Variants in CSAG3 observed in about 807,000 individuals in gnomAD.
CSAG3 encodes chondrosarcoma-associated gene 2/3 protein.
For missense variants in CSAG3, 15 were observed against 93.0 expected (o/e 0.16, Z 3.45); for synonymous variants, 4 against 34.0 (o/e 0.12, Z 3.07).
Position 152,760,020 on chromosome X carries a change from CA to C in CSAG3, c.*110del. ...ATCAAAATGAGCCATAGCGGGACCACAAGGGCAAGGAGACCACCACCTTCTC... is the reference window on the plus strand; with the variant it reads ...ATCAAAATGAGCCATAGCGGGACCACAGGGCAAGGAGACCACCACCTTCTC... On this transcript the variant is annotated 3_prime_UTR_variant, in exon 2 of 2. Transcript: ENST00000599845. 3.8e-6 allele frequency: 3 copies of C among 790,684 alleles called. No homozygotes were observed. The South Asian group carries it at 6.7e-5, about 18-fold the overall frequency. 65.2% of individuals were successfully genotyped at this position (790,684 alleles called of 1,213,427 possible). A position where few individuals can be genotyped will look rare whatever the true frequency, so the allele number is the denominator to read the frequency against.
At chrX:152,758,843 CT>C (rs1932606837), upstream of CSAG3, 2 of 84,096 alleles carry the variant, frequency 2.4e-5, no homozygotes, top group Non-Finnish European at 4.5e-5. Context: ...CTCTCTCTCT[CT>C]CTCTCTCTCT....
At chrX:152,758,826 TCTTTCTCTC>T (rs1932602441), upstream of CSAG3, 3 of 78,668 alleles carry the variant, frequency 3.8e-5, no homozygotes, top group Admixed American at 1.4e-4. Context: ...TCTCTCTCTC[TCTTTCTCTC>T]TCTCTCTCTC....
upstream of CSAG3, chrX:152,758,953 C>T (rs1932613385): frequency 2.6e-5 from 3 of 115,753 alleles, no homozygotes; most frequent in Admixed American, 1.1e-4. Context: ...ATCTACAAGC[C>T]ACGAATAAGG....
upstream of CSAG3, among the ~76,000 whole-genome samples, chrX:152,757,604 G>GTT (rs1308718478): frequency 1.3e-4 from 5 of 39,375 alleles, no homozygotes; most frequent in African/African-American, 3.5e-4. Flanking sequence ...TCAATGTCTG[G>GTT]TTATATATAT....
At chrX:152,758,829 T>TCTCTCTTTCTC (rs1932603172), upstream of CSAG3, 8 of 50,624 alleles carry the variant, frequency 1.6e-4, no homozygotes, top group African/African-American at 5.8e-4. Flanking sequence ...CTCTCTCTCT[T>TCTCTCTTTCTC]TCTCTCTCTC....
At chrX:152,757,604 G>GTTATATATATATATATATATGT (rs1932585434), upstream of CSAG3, among the ~76,000 whole-genome samples, 2 of 39,417 alleles carry the variant, frequency 5.1e-5, no homozygotes, top group Non-Finnish European at 8.2e-5. Flanking sequence ...TCAATGTCTG[G>GTTATATATATATATATATATGT]TTATATATAT....
chrX:152,759,058 T>C (rs1347979965), upstream of CSAG3: 5 of 212,962 alleles, frequency 2.3e-5, no homozygotes, highest in African/African-American at 1.5e-4. Context: ...TTTTAGCTAC[T>C]CACTCAATGG....
upstream of CSAG3, chrX:152,758,853 C>CTT (rs1932608388): frequency 1.1e-5 from 1 of 91,423 alleles, no homozygotes; most frequent in African/African-American, 4.3e-5. Context: ...CTCTCTCTCT[C>CTT]TCTCTCTCTC....
At chrX:152,758,849 C>CTCTT (rs1932607980), upstream of CSAG3, 3 of 91,982 alleles carry the variant, frequency 3.3e-5, no homozygotes, top group Non-Finnish European at 6.4e-5. Flanking sequence ...CTCTCTCTCT[C>CTCTT]TCTCTCTCTC....
At chrX:152,759,510 G>C (rs1932630915) in exon 1 of CSAG3, 1 of 1,204,849 alleles carries the variant, frequency 8.3e-7, no homozygotes, top group African/African-American at 1.7e-5. Flanking sequence ...ACTGTCCTGG[G>C]GGAGGCTTGG....
upstream of CSAG3, chrX:152,758,875 CTT>C (rs1491264726): frequency 1.8e-3 from 135 of 76,592 alleles, 5 homozygotes; most frequent in African/African-American, 2.6e-3. Flanking sequence ...CTCTCTCTCT[CTT>C]TCTTTCTCTC....
At chrX:152,758,805 TTC>T (rs1254146710), upstream of CSAG3, 29 of 56,177 alleles carry the variant, frequency 5.2e-4, no homozygotes, top group Admixed American at 3.2e-3. Context: ...TACATGACCT[TTC>T]TCTCTCTCTC....
upstream of CSAG3, chrX:152,759,116 A>G (rs1183714678): frequency 6.4e-4 from 169 of 263,296 alleles, no homozygotes; most frequent in East Asian, 0.016. Flanking sequence ...ACTTCAGGTG[A>G]CACAATTTTT....
chrX:152,759,198 T>C (rs1219803627), upstream of CSAG3: 3 of 298,987 alleles, frequency 1.0e-5, no homozygotes, highest in East Asian at 2.0e-4. Context: ...TGAGTTACAT[T>C]TCTGTATGGT....
upstream of CSAG3, chrX:152,758,886 T>C (rs1932611729): frequency 1.3e-5 from 1 of 79,092 alleles, no homozygotes; most frequent in Non-Finnish European, 2.5e-5. Flanking sequence ...TTTCTTTCTC[T>C]CTCTCTCTGC....
chrX:152,758,829 T>TCTCTCTCTCTCTCTC (rs1932603172), upstream of CSAG3: 2 of 50,635 alleles, frequency 3.9e-5, no homozygotes, highest in African/African-American at 1.4e-4. Flanking sequence ...CTCTCTCTCT[T>TCTCTCTCTCTCTCTC]TCTCTCTCTC....
Position 152,759,910 on chromosome X carries a change from TA to T in CSAG3, c.*2del. 8.4e-7 allele frequency: 1 copy of T among 1,192,676 alleles called. No individual in the cohort carries two copies. Among genetic ancestry groups the T allele is most frequent in the Non-Finnish European group, 1.1e-6 (1 of 881,369 alleles). Reference sequence around the variant, plus strand: ...AGTTCCAGGAACAAAAGGCTCTCCCTAAAAGACCGCCGCTTCAAAAAAACCT... The same window carrying T: ...AGTTCCAGGAACAAAAGGCTCTCCCTAAAGACCGCCGCTTCAAAAAAACCT... On this transcript the variant is annotated frameshift_variant and stop_lost, in exon 2 of 2. Coordinates refer to ENST00000599845, the Ensembl canonical transcript of CSAG3. LOFTEE classifies it high-confidence loss of function.
upstream of CSAG3, chrX:152,758,877 T>TCTC (rs1375603795): frequency 1.8e-4 from 9 of 50,204 alleles, no homozygotes; most frequent in East Asian, 7.2e-4. Context: ...CTCTCTCTCT[T>TCTC]TCTTTCTCTC....
exon 2 of CSAG3, chrX:152,759,893 G>C: frequency 2.5e-6 from 3 of 1,204,173 alleles, no homozygotes; most frequent in Non-Finnish European, 3.4e-6. Flanking sequence ...GAAGTTCCAG[G>C]AACAAAAGGC....
Sources: gnomAD v4.1 joint callset for allele counts (sites outside exome capture counted in the v4.1 genomes callset) on GRCh38, gnomAD v4.1.1 for gene constraint, MANE v1.5 for transcripts, NCBI Gene and HGNC (gene_info 2026-07-23, HGNC 2026-07-21) for gene names.